Variants in CCND3 observed in about 807,000 individuals in gnomAD.
CCND3 encodes the protein cyclin D3.
Under a neutral mutation model 28.7 loss-of-function variants are expected in CCND3, and 9 were observed. The ratio of observed to expected loss-of-function variants is 0.31; its 90% CI spans 0.19 to 0.55. The LOEUF (loss-of-function observed/expected upper bound fraction) is 0.55, where lower values mean the gene tolerates loss of function less well. Among genes scored for constraint, CCND3 ranks in the 20% least tolerant of loss-of-function variants. The probability of loss-of-function intolerance (pLI) is 0.93; values close to 1 mark genes in which losing one functional copy is unlikely to be tolerated. For synonymous variants in CCND3, 164 were observed against 163.9 expected, an observed-to-expected ratio of 1.00 and a Z score of 0.00; for missense variants, 315 against 385.8, an observed-to-expected ratio of 0.82 and a Z score of 1.54.
intron 1 of CCND3, among the ~76,000 whole-genome samples, chr6:42,010,041 T>C (rs2127426917): frequency 6.6e-6 from 1 of 152,222 alleles, no homozygotes; most frequent in South Asian, 2.1e-4. Context: ...GAATGTGGAT[T>C]TGGGTGTGAT....
At chr6:42,038,550 A>AC (rs1208664577) in intron 1 of CCND3, among the ~76,000 whole-genome samples, 6 of 151,988 alleles carry the variant, frequency 3.9e-5, no homozygotes, top group African/African-American at 1.4e-4. Flanking sequence ...AACTAAAAAA[A>AC]AAAAAAAGCA....
At chr6:42,038,459 G>A (rs899398191) in intron 1 of CCND3, among the ~76,000 whole-genome samples, 2 of 151,790 alleles carry the variant, frequency 1.3e-5, no homozygotes, top group African/African-American at 2.4e-5. Context: ...AGAACTGCTT[G>A]AGCCCAGGAG....
At position 41,938,856 on chromosome 6, in the gene CCND3, G is replaced by A. The variant is rs1775897015; in HGVS notation, c.415-1462C>T. Among the ~76,000 whole-genome samples the A allele has an allele frequency of 2.0e-5, 3 of 152,194 alleles. No homozygotes were observed. The highest frequency in any genetic ancestry group is 1.9e-4 in the East Asian group (1 of 5,176). On this transcript the variant is annotated intron_variant, in intron 2 of 4. Coordinates refer to ENST00000372991, the MANE Select transcript of CCND3 (RefSeq NM_001760.5). The surrounding 1 kb of genome is among the most constrained non-coding windows in gnomAD (Gnocchi z 4.6). ...GGCCTCAGCCTCCTCTGCTGCACAC[G>A]GATTTGGACCAACTGGAGTTCTCAG...
intron 1 of CCND3, among the ~76,000 whole-genome samples, chr6:41,954,351 A>C (rs796699507): frequency 2.7e-5 from 4 of 149,138 alleles, no homozygotes; most frequent in African/African-American, 9.9e-5. Context: ...AGGAGTTCAG[A>C]CCAGCCTGGC....
chr6:41,935,790 G>A lies in CCND3; in HGVS notation c.*150C>T, dbSNP rs964464521. On this transcript the variant is annotated 3_prime_UTR_variant, in exon 5 of 5. Coordinates refer to ENST00000372991, the MANE Select transcript of CCND3 (RefSeq NM_001760.5). ...GGCCGGGCCCCTTAGTGCACACTGC[G>A]GGGATGGGTAGGACCAGATCCCTTG... is the stretch of plus-strand genomic sequence containing the variant. 7 of 750,916 alleles carry A rather than the reference G, an allele frequency of 9.3e-6. No individual in the cohort carries two copies. The highest frequency in any genetic ancestry group is 2.3e-5 in the Admixed American group (1 of 43,720). 46.5% of individuals were successfully genotyped at this position (750,916 alleles called of 1,614,324 possible).
At chr6:41,956,962 C>T (rs1188443905) in intron 1 of CCND3, among the ~76,000 whole-genome samples, 2 of 152,068 alleles carry the variant, frequency 1.3e-5, no homozygotes, top group African/African-American at 4.8e-5. Flanking sequence ...ACCCGGGAGG[C>T]GGAACTTGCA....
chr6:41,944,461 A>AG (rs1331371959), upstream of CCND3, among the ~76,000 whole-genome samples: 1 of 151,394 alleles, frequency 6.6e-6, no homozygotes, highest in Non-Finnish European at 1.5e-5. Flanking sequence ...TTTGACACAA[A>AG]GTTTTGCTCT....
chr6:42,004,068 A>ATGTGTG (rs35124169), intron 1 of CCND3, among the ~76,000 whole-genome samples: 17 of 143,708 alleles, frequency 1.2e-4, no homozygotes, highest in East Asian at 6.0e-4. Flanking sequence ...ATATATATGT[A>ATGTGTG]TGTGTGTGTG....
At chr6:42,005,041 C>G (rs1030696278) in intron 1 of CCND3, among the ~76,000 whole-genome samples, 2 of 152,146 alleles carry the variant, frequency 1.3e-5, no homozygotes, top group Non-Finnish European at 2.9e-5. Context: ...ATACTGCCAA[C>G]TCAGTCAGCG....
intron 1 of CCND3, among the ~76,000 whole-genome samples, chr6:41,998,969 C>G (rs4472339): frequency 1 from 151,892 of 152,298 alleles, 75,746 homozygotes; most frequent in Middle Eastern, 1. Flanking sequence ...GTGAGCCACC[C>G]CGCCTGGCTG....
intron 1 of CCND3, among the ~76,000 whole-genome samples, chr6:42,027,013 C>G (rs1199149380): frequency 3.3e-5 from 5 of 152,190 alleles, no homozygotes; most frequent in African/African-American, 1.2e-4. Context: ...TAGTTCCTAT[C>G]CCAGCCCATT....
At chr6:42,003,162 C>CAAAA (rs55721061) in intron 1 of CCND3, among the ~76,000 whole-genome samples, 1 of 110,336 alleles carries the variant, frequency 9.1e-6, no homozygotes, top group African/African-American at 3.4e-5. Context: ...AACAGCGTGT[C>CAAAA]AAAAAAAAAA....
chr6:42,043,137 T>C (rs1764423374), intron 1 of CCND3, among the ~76,000 whole-genome samples: 1 of 152,246 alleles, frequency 6.6e-6, no homozygotes, highest in African/African-American at 2.4e-5. Context: ...CCCACGCCTG[T>C]AATTTCAGCA....
rs1425945475 is a variant in CCND3 at position 41,935,483 on chromosome 6, TC to T, written c.*456del. The T allele has an allele frequency of 2.5e-5, 7 of 279,216 alleles. No homozygotes were observed. The highest frequency in any genetic ancestry group is 4.3e-5 in the African/African-American group (2 of 46,876). The allele number at this position is 279,216 out of a possible 1,614,324, so 17.3% of individuals were successfully genotyped here. On this transcript the variant is annotated 3_prime_UTR_variant, in exon 5 of 5. Coordinates refer to ENST00000372991, the MANE Select transcript of CCND3 (RefSeq NM_001760.5). ...TACTGAGAGGAGCCATCTAGACTAT[TC>T]CCCCTCATATGTGTCTATCATGCAT...
chr6:42,002,283 T>C (rs1359557880), intron 1 of CCND3, among the ~76,000 whole-genome samples: 1 of 150,710 alleles, frequency 6.6e-6, no homozygotes, highest in Non-Finnish European at 1.5e-5. Context: ...CTATCTCTAC[T>C]GAAAATACAA....
intron 1 of CCND3, among the ~76,000 whole-genome samples, chr6:41,958,394 C>T (rs902633048): frequency 2.6e-5 from 4 of 152,104 alleles, no homozygotes; most frequent in South Asian, 2.1e-4. Context: ...CCCCCAAACT[C>T]GAAAACCCCT....
At chr6:41,984,035 G>A (rs1029001220) in intron 1 of CCND3, among the ~76,000 whole-genome samples, 7 of 151,966 alleles carry the variant, frequency 4.6e-5, no homozygotes, top group Non-Finnish European at 1.0e-4. Context: ...ACATATAAGT[G>A]AATTATGAAA....
chr6:42,038,802 C>T (rs542225210), intron 1 of CCND3, among the ~76,000 whole-genome samples: 428 of 152,228 alleles, frequency 2.8e-3, no homozygotes, highest in African/African-American at 9.0e-3. Context: ...AAAACTGCTC[C>T]GGAATAATTT....
chr6:41,966,400 G>A (rs1053139242), intron 1 of CCND3, among the ~76,000 whole-genome samples: 2 of 151,930 alleles, frequency 1.3e-5, no homozygotes, highest in South Asian at 2.1e-4. Flanking sequence ...TAGCCTGGGC[G>A]ACAGTGAAAC....
Sources: allele counts gnomAD v4.1 joint callset (sites outside exome capture counted in the v4.1 genomes callset), GRCh38; gene constraint gnomAD v4.1.1; non-coding constraint Gnocchi (gnomAD v3.1); transcripts MANE v1.5; gene names NCBI Gene and HGNC (gene_info 2026-07-23, HGNC 2026-07-21).